Variants in TOLLIP observed in about 807,000 individuals in gnomAD.
TOLLIP encodes toll interacting protein.
Under a neutral mutation model 33.5 loss-of-function variants are expected in TOLLIP, and 16 were observed. The ratio of observed to expected loss-of-function variants is 0.48; its 90% CI spans 0.32 to 0.72. The LOEUF (loss-of-function observed/expected upper bound fraction) is 0.72. Ranked by LOEUF, TOLLIP falls within the 30% of genes least tolerant of loss-of-function variation. TOLLIP has a pLI of 0.03. For synonymous variants in TOLLIP, 176 were observed against 163.7 expected (o/e 1.07, Z -0.57); for missense variants, 325 against 396.6 (o/e 0.82, Z 1.53).
Position 1,278,229 on chromosome 11 carries a change from G to A in TOLLIP, c.611-976C>T, listed in dbSNP as rs1414684467. 1.3e-5 allele frequency among the ~76,000 whole-genome samples: 2 copies of A among 152,056 alleles called. No individual in the cohort carries two copies. Among genetic ancestry groups the A allele is most frequent in the African/African-American group, 2.4e-5 (1 of 41,390 alleles). ...GAGGCACAGAGCACAGGCAGCGTGC[G>A]CGGGGCTCGGCGACCAGCGAGGCAC... On this transcript the variant is annotated intron_variant, in intron 5 of 5. Coordinates refer to ENST00000317204, the MANE Select transcript of TOLLIP (RefSeq NM_019009.4). This position sits in a 1 kb window ranked among gnomAD's most constrained non-coding sequence, Gnocchi z 4.7.
At chr11:1,296,360 T>TG (rs1320886987) in intron 1 of TOLLIP, among the ~76,000 whole-genome samples, 3 of 152,228 alleles carry the variant, frequency 2.0e-5, no homozygotes, top group African/African-American at 7.2e-5. Context: ...CTGCATCCTA[T>TG]GTCTCCTCGA....
At chr11:1,282,687 G>A (rs1459517094) in intron 5 of TOLLIP, among the ~76,000 whole-genome samples, 3 of 150,476 alleles carry the variant, frequency 2.0e-5, no homozygotes, top group African/African-American at 7.3e-5. Context: ...GTTAAATGAC[G>A]AGTCAATGGG....
At chr11:1,308,047 A>T (rs1864464806) in intron 1 of TOLLIP, among the ~76,000 whole-genome samples, 1 of 152,184 alleles carries the variant, frequency 6.6e-6, no homozygotes, top group Non-Finnish European at 1.5e-5. Flanking sequence ...GTGAAAAAGG[A>T]CTTTTTCCAC....
intron 2 of TOLLIP, among the ~76,000 whole-genome samples, chr11:1,294,091 G>A (rs1864034056): frequency 6.6e-6 from 1 of 151,860 alleles, no homozygotes; most frequent in African/African-American, 2.4e-5. Flanking sequence ...TCCTTTCCCT[G>A]CATTTCTACG....
chr11:1,307,013 G>A (rs1206815879), intron 1 of TOLLIP, among the ~76,000 whole-genome samples: 10 of 152,058 alleles, frequency 6.6e-5, no homozygotes, highest in African/African-American at 1.9e-4. Context: ...CCACCGGGCC[G>A]TCACCACACA....
intron 5 of TOLLIP, among the ~76,000 whole-genome samples, chr11:1,284,081 T>A (rs1863598150): frequency 6.6e-6 from 1 of 152,152 alleles, no homozygotes; most frequent in African/African-American, 2.4e-5. Flanking sequence ...CAGGAGCCAC[T>A]CTGGGGGGCA....
intron 5 of TOLLIP, among the ~76,000 whole-genome samples, chr11:1,285,375 G>A (rs542943394): frequency 8.5e-5 from 13 of 152,380 alleles, no homozygotes; most frequent in Admixed American, 6.5e-4. Flanking sequence ...TGCTAAAGAC[G>A]GCTGGGCCCA....
In TOLLIP at chr11:1,309,581, G is replaced by T; in HGVS notation, c.-83C>A. The T allele has an allele frequency of 1.4e-6, 1 of 718,814 alleles. No individual in the cohort carries two copies. The highest frequency in any genetic ancestry group is 1.9e-6 in the Non-Finnish European group (1 of 519,980). The allele number at this position is 718,814 out of a possible 1,614,324, so 44.5% of individuals were successfully genotyped here. A position where few individuals can be genotyped will look rare whatever the true frequency, so the allele number is the denominator to read the frequency against. On this transcript the variant is annotated 5_prime_UTR_variant, in exon 1 of 6. Transcript: ENST00000317204. Reference sequence around the variant, plus strand: ...CTGCGCCCCCGCCGGAGCCTGCGACGGAGACAGTTGTCACCTCGAGGCCGC... The same window carrying T: ...CTGCGCCCCCGCCGGAGCCTGCGACTGAGACAGTTGTCACCTCGAGGCCGC...
intron 5 of TOLLIP, among the ~76,000 whole-genome samples, chr11:1,279,315 C>G (rs1305187385): frequency 2.0e-5 from 3 of 152,212 alleles, no homozygotes; most frequent in African/African-American, 4.8e-5. Context: ...TGGCCTGGCT[C>G]ACTCCCCTCC....
intron 1 of TOLLIP, among the ~76,000 whole-genome samples, chr11:1,299,206 C>A (rs1290470908): frequency 6.6e-6 from 1 of 152,194 alleles, no homozygotes; most frequent in Non-Finnish European, 1.5e-5. Flanking sequence ...GAAAAATATT[C>A]CATTTAACCT....
At position 1,304,264 on chromosome 11, in the gene TOLLIP, C is replaced by T. The variant is rs566542774; in HGVS notation, c.33+5202G>A. Among the ~76,000 whole-genome samples, 197 of 151,086 alleles carry T rather than the reference C, an allele frequency of 1.3e-3. 2 individuals are homozygous for T. Among genetic ancestry groups the T allele is most frequent in the African/African-American group, 3.5e-3 (144 of 41,068 alleles). The stretch of plus-strand genomic sequence containing the variant: ...CGGGAGTACTGTCCACCTGGAGTAC[C>T]GCCCACCTGGAGTTCCACACACACA... On this transcript the variant is annotated intron_variant, in intron 1 of 5. Coordinates refer to ENST00000317204, the MANE Select transcript of TOLLIP (RefSeq NM_019009.4).
chr11:1,283,667 G>C, intron 5 of TOLLIP: 4 of 435,014 alleles, frequency 9.2e-6, no homozygotes, highest in Non-Finnish European at 1.8e-5. Context: ...AACTTGAAAG[G>C]CATCTACAAA....
intron 5 of TOLLIP, among the ~76,000 whole-genome samples, chr11:1,285,585 A>C (rs1254551073): frequency 6.6e-6 from 1 of 152,172 alleles, no homozygotes; most frequent in Non-Finnish European, 1.5e-5. Flanking sequence ...GTTCAGACAC[A>C]ACGGCGCAGC....
chr11:1,301,123 C>T (rs1029446526), intron 1 of TOLLIP, among the ~76,000 whole-genome samples: 5 of 152,264 alleles, frequency 3.3e-5, no homozygotes, highest in Admixed American at 6.5e-5. Flanking sequence ...AATTTATTTA[C>T]ATAAATTGTA....
At chr11:1,297,674 A>G (rs1454300086) in intron 1 of TOLLIP, among the ~76,000 whole-genome samples, 5 of 152,240 alleles carry the variant, frequency 3.3e-5, no homozygotes, top group Non-Finnish European at 7.3e-5. Flanking sequence ...CCCCGGCTTC[A>G]CCTCCGGAGG....
intron 1 of TOLLIP, among the ~76,000 whole-genome samples, chr11:1,297,061 T>C (rs2133919649): frequency 6.6e-6 from 1 of 152,096 alleles, no homozygotes; most frequent in Admixed American, 6.5e-5. Flanking sequence ...GACCCAGCCG[T>C]CTGCAGGGGC....
chr11:1,291,365 C>A lies in TOLLIP; in HGVS notation c.184-956G>T, dbSNP rs540963716. Among the ~76,000 whole-genome samples the A allele has an allele frequency of 2.0e-5, 3 of 152,234 alleles. No individual in the cohort carries two copies. In the South Asian group the frequency reaches 6.2e-4, roughly 32 times the overall value. On this transcript the variant is annotated intron_variant, in intron 2 of 5. Coordinates refer to ENST00000317204, the MANE Select transcript of TOLLIP (RefSeq NM_019009.4). ...CACCCCCAGGAGCTGGTGATAGAGA[C>A]CCCGGGAGCCATCCCGGCCCTCCCA...
rs3793962 is a variant in TOLLIP at position 1,278,274 on chromosome 11, C to G, written c.611-1021G>C. ...AGGCACAGAGCTCCTCCTGCAGCAG[C>G]AGCTGCAGCAGTGCAAGGGTTCACT... is the stretch of plus-strand genomic sequence containing the variant. On this transcript the variant is annotated intron_variant, in intron 5 of 5. Coordinates refer to ENST00000317204, the MANE Select transcript of TOLLIP (RefSeq NM_019009.4). The surrounding 1 kb of genome is among the most constrained non-coding windows in gnomAD (Gnocchi z 4.7). Among the ~76,000 whole-genome samples, 3,383 of 152,264 alleles carry G rather than the reference C, an allele frequency of 0.022. 293 individuals are homozygous for G. The East Asian group carries it at 0.26, about 12-fold the overall frequency.
At chr11:1,283,362 G>A (rs373201520) in intron 5 of TOLLIP, 16 of 349,380 alleles carry the variant, frequency 4.6e-5, no homozygotes, top group African/African-American at 1.1e-4. Context: ...TGGATGCTGC[G>A]GACTCAGACG....
Sources: gnomAD v4.1 joint callset for allele counts (sites outside exome capture counted in the v4.1 genomes callset) on GRCh38, gnomAD v4.1.1 for gene constraint, Gnocchi (gnomAD v3.1) non-coding constraint, MANE v1.5 for transcripts, NCBI Gene and HGNC (gene_info 2026-07-23, HGNC 2026-07-21) for gene names.